NEGR1: variants seen among roughly 807,000 people sequenced by gnomAD.
NEGR1 encodes the protein IgLON family member 4.
In NEGR1, 10 loss-of-function variants were observed where a neutral mutation model predicts 40.9. The ratio of observed to expected loss-of-function variants is 0.24; its 90% CI spans 0.15 to 0.42. The LOEUF (loss-of-function observed/expected upper bound fraction) is 0.42, where lower values mean the gene tolerates loss of function less well. Among genes scored for constraint, NEGR1 ranks in the 10% least tolerant of loss-of-function variants. The probability of loss-of-function intolerance (pLI) is 1.00; values close to 1 mark genes in which losing one functional copy is unlikely to be tolerated. For missense variants in NEGR1, 352 were observed against 438.9 expected, an observed-to-expected ratio of 0.80 and a Z score of 1.77; for synonymous variants, 185 against 166.8, an observed-to-expected ratio of 1.11 and a Z score of -0.84.
chr1:71,570,280 T>C (rs574520167), intron 6 of NEGR1, among the ~76,000 whole-genome samples: 1 of 152,306 alleles, frequency 6.6e-6, no homozygotes, highest in Non-Finnish European at 1.5e-5. Context: ...TGACAGATGG[T>C]TATACCCCAA....
intron 1 of NEGR1, among the ~76,000 whole-genome samples, chr1:72,088,507 T>G (rs1299700973): frequency 6.6e-6 from 1 of 152,068 alleles, no homozygotes; most frequent in East Asian, 1.9e-4. Flanking sequence ...AAAGAAAATG[T>G]AAGTAACTTT....
chr1:72,208,697 C>G (rs1653494410), intron 1 of NEGR1, among the ~76,000 whole-genome samples: 1 of 151,602 alleles, frequency 6.6e-6, no homozygotes, highest in African/African-American at 2.4e-5. Flanking sequence ...CTAAAGGCAA[C>G]TTTATTTCAA....
chr1:72,114,886 G>T (rs1003645027), intron 1 of NEGR1, among the ~76,000 whole-genome samples: 36 of 151,846 alleles, frequency 2.4e-4, no homozygotes, highest in African/African-American at 8.4e-4. Context: ...TTAATTGAAA[G>T]TAAAAAGAAG....
chr1:72,257,300 C>A (rs1371053410), intron 1 of NEGR1, among the ~76,000 whole-genome samples: 1 of 119,054 alleles, frequency 8.4e-6, no homozygotes, highest in East Asian at 2.3e-4. Flanking sequence ...CCAGCCTGGG[C>A]GACAGAGCGA....
At chr1:72,204,444 A>T (rs1445975051) in intron 1 of NEGR1, among the ~76,000 whole-genome samples, 1 of 152,222 alleles carries the variant, frequency 6.6e-6, no homozygotes, top group South Asian at 2.1e-4. Flanking sequence ...CAGCCATTTC[A>T]GTCAATAGTC....
intron 4 of NEGR1, among the ~76,000 whole-genome samples, chr1:71,633,843 G>T (rs1390243679): frequency 1.3e-5 from 2 of 152,204 alleles, no homozygotes; most frequent in Admixed American, 6.6e-5. Context: ...CGCAGCCCAT[G>T]TGGAGTTATT....
chr1:71,774,072 T>A (rs1245286968), intron 3 of NEGR1, among the ~76,000 whole-genome samples: 1 of 152,224 alleles, frequency 6.6e-6, no homozygotes, highest in Non-Finnish European at 1.5e-5. Context: ...AGCTTTACAT[T>A]TACATATTAA....
chr1:72,118,577 G>C (rs559164142), intron 1 of NEGR1, among the ~76,000 whole-genome samples: 1 of 151,840 alleles, frequency 6.6e-6, no homozygotes, highest in South Asian at 2.1e-4. Context: ...TGTTTCCTTG[G>C]CTTTCTGATT....
intron 1 of NEGR1, among the ~76,000 whole-genome samples, chr1:72,104,396 G>A (rs903280934): frequency 9.2e-5 from 14 of 152,026 alleles, no homozygotes; most frequent in East Asian, 1.9e-4. Flanking sequence ...CCCAAATGAC[G>A]TGATTGCTGG....
At chr1:72,141,858 A>G (rs1650690221) in intron 1 of NEGR1, among the ~76,000 whole-genome samples, 2 of 151,996 alleles carry the variant, frequency 1.3e-5, no homozygotes, top group South Asian at 4.1e-4. Context: ...GTTTAGCAAA[A>G]GTAAATCTCC....
intron 2 of NEGR1, among the ~76,000 whole-genome samples, chr1:71,835,345 T>C (rs1658989962): frequency 6.6e-6 from 1 of 152,104 alleles, no homozygotes; most frequent in South Asian, 2.1e-4. Flanking sequence ...AAAGTCACAT[T>C]GCAAAGTTTT....
chr1:72,241,505 C>A (rs1052003392), intron 1 of NEGR1, among the ~76,000 whole-genome samples: 1 of 151,340 alleles, frequency 6.6e-6, no homozygotes, highest in East Asian at 1.9e-4. Context: ...AATGTTAGTA[C>A]CATAAACTAA....
At chr1:71,457,191 T>C (rs1180688937) in intron 6 of NEGR1, among the ~76,000 whole-genome samples, 2 of 152,102 alleles carry the variant, frequency 1.3e-5, no homozygotes, top group Non-Finnish European at 2.9e-5. Context: ...GTGATTCCAC[T>C]CTCATGTGGT....
intron 2 of NEGR1, among the ~76,000 whole-genome samples, chr1:71,854,418 A>T (rs547816897): frequency 6.6e-6 from 1 of 152,114 alleles, no homozygotes; most frequent in Non-Finnish European, 1.5e-5. Context: ...ATGAAAATAC[A>T]TTTTTGTACC....
intron 2 of NEGR1, among the ~76,000 whole-genome samples, chr1:71,829,660 A>G (rs937007136): frequency 6.6e-6 from 1 of 151,874 alleles, no homozygotes; most frequent in African/African-American, 2.4e-5. Flanking sequence ...ACAAAACAAA[A>G]CCCAAAAAAC....
At chr1:71,710,879 G>A (rs562881083) in intron 3 of NEGR1, among the ~76,000 whole-genome samples, 1 of 152,178 alleles carries the variant, frequency 6.6e-6, no homozygotes, top group South Asian at 2.1e-4. Flanking sequence ...ATAGCTTAAA[G>A]AATGTAATTG....
At chr1:72,090,973 C>A (rs1018913228) in intron 1 of NEGR1, among the ~76,000 whole-genome samples, 1 of 152,170 alleles carries the variant, frequency 6.6e-6, no homozygotes, top group African/African-American at 2.4e-5. Context: ...AGTGTACATG[C>A]AGATGCAATC....
chr1:72,074,346 C>T (rs1178294528), intron 1 of NEGR1, among the ~76,000 whole-genome samples: 5 of 151,940 alleles, frequency 3.3e-5, no homozygotes, highest in East Asian at 1.9e-4. Context: ...TACAATTCCA[C>T]GTGCCTCAAA....
At chr1:71,802,457 A>T (rs939923084) in intron 2 of NEGR1, among the ~76,000 whole-genome samples, 2 of 152,200 alleles carry the variant, frequency 1.3e-5, no homozygotes, top group African/African-American at 4.8e-5. Flanking sequence ...TAATTCAGAC[A>T]TCATCAGAGC....
Sources: allele counts gnomAD v4.1 joint callset (sites outside exome capture counted in the v4.1 genomes callset), GRCh38; gene constraint gnomAD v4.1.1; transcripts MANE v1.5; gene names NCBI Gene and HGNC (gene_info 2026-07-23, HGNC 2026-07-21).